Variants in SUMF1 observed in about 807,000 individuals in gnomAD.
SUMF1 encodes formylglycine-generating enzyme.
A neutral mutation model predicts 47.6 loss-of-function variants in SUMF1; 48 were observed. That is an observed-to-expected ratio of 1.01 (90% confidence interval 0.80 to 1.28). The LOEUF (loss-of-function observed/expected upper bound fraction) is 1.28. Among genes scored for constraint, SUMF1 ranks in the 50% most tolerant of loss-of-function variants. The pLI is 0.00. For synonymous variants in SUMF1, 230 were observed against 192.1 expected (o/e 1.20, Z -1.63); for missense variants, 571 against 485.4 (o/e 1.18, Z -1.66).
At chr3:4,362,779 T>G (rs1699808960) in intron 8 of SUMF1, among the ~76,000 whole-genome samples, 1 of 152,056 alleles carries the variant, frequency 6.6e-6, no homozygotes, top group Admixed American at 6.6e-5. Context: ...CTGAGCATGG[T>G]GGTGTGCACT....
intron 7 of SUMF1, among the ~76,000 whole-genome samples, chr3:4,404,197 T>C (rs961164294): frequency 6.6e-6 from 1 of 152,188 alleles, no homozygotes; most frequent in Non-Finnish European, 1.5e-5. Flanking sequence ...AAAATTACAA[T>C]GAGTAAACAT....
chr3:4,159,310 T>G (rs1415818752), intron 8 of SUMF1, among the ~76,000 whole-genome samples: 1 of 151,220 alleles, frequency 6.6e-6, no homozygotes, highest in Non-Finnish European at 1.5e-5. Flanking sequence ...ATTGCATGTT[T>G]TTTTTATTTG....
intron 1 of SUMF1, among the ~76,000 whole-genome samples, chr3:4,462,476 T>C (rs550408490): frequency 7.9e-5 from 12 of 152,202 alleles, no homozygotes; most frequent in Non-Finnish European, 1.0e-4. Context: ...TATTTACTCT[T>C]GAACTTCCCA....
chr3:4,279,152 C>T (rs1478732309), intron 8 of SUMF1, among the ~76,000 whole-genome samples: 4 of 152,122 alleles, frequency 2.6e-5, no homozygotes, highest in African/African-American at 7.2e-5. Context: ...CTAAGTTAGA[C>T]ATTTCTAGTC....
chr3:4,313,755 C>A, intron 8 of SUMF1: 1 of 1,613,948 alleles, frequency 6.2e-7, no homozygotes, highest in Non-Finnish European at 8.5e-7. Flanking sequence ...AGCGATTGAC[C>A]CTTGAGGTGA....
At chr3:4,251,426 A>G (rs1696799760) in intron 8 of SUMF1, among the ~76,000 whole-genome samples, 1 of 152,242 alleles carries the variant, frequency 6.6e-6, no homozygotes, top group Non-Finnish European at 1.5e-5. Context: ...AAGGATTTGT[A>G]ATATTACATC....
intron 1 of SUMF1, among the ~76,000 whole-genome samples, chr3:4,462,577 G>A (rs981263041): frequency 6.6e-6 from 1 of 151,976 alleles, no homozygotes; most frequent in African/African-American, 2.4e-5. Flanking sequence ...TTTTTGTCTT[G>A]TACACAAAAA....
intron 8 of SUMF1, among the ~76,000 whole-genome samples, chr3:4,345,133 G>A (rs535738793): frequency 6.6e-5 from 10 of 152,216 alleles, no homozygotes; most frequent in East Asian, 1.9e-4. Context: ...CCAGGAGAAC[G>A]TCCCCAACCT....
At chr3:4,454,779 G>T (rs1703098109) in intron 1 of SUMF1, among the ~76,000 whole-genome samples, 1 of 152,198 alleles carries the variant, frequency 6.6e-6, no homozygotes, top group Admixed American at 6.5e-5. Flanking sequence ...CAACATGCGT[G>T]AACCTTGAAA....
At chr3:4,345,653 CATG>C (rs1293147641) in intron 8 of SUMF1, among the ~76,000 whole-genome samples, 7 of 152,294 alleles carry the variant, frequency 4.6e-5, no homozygotes, top group Admixed American at 4.6e-4. Flanking sequence ...CACATAGTAT[CATG>C]ATGACAGGAT....
Position 4,466,875 on chromosome 3 carries a change from T to C in SUMF1, c.270+101A>G. The C allele has an allele frequency of 2.0e-6, 3 of 1,509,656 alleles. No individual in the cohort carries two copies. The South Asian group carries it at 3.7e-5, about 19-fold the overall frequency. The allele number at this position is 1,509,656 out of a possible 1,614,324, so 93.5% of individuals were successfully genotyped here. ...AGGTGCTCGATTTGGGGTGTGGTTA[T>C]AACCTTTACTTCCCTTCCTACTAGT... is the stretch of plus-strand genomic sequence containing the variant. On this transcript the variant is annotated intron_variant, in intron 1 of 8. Coordinates refer to ENST00000272902, the MANE Select transcript of SUMF1 (RefSeq NM_182760.4).
intron 9 of SUMF1, among the ~76,000 whole-genome samples, chr3:4,039,859 A>T (rs1348558120): frequency 1.3e-5 from 2 of 151,982 alleles, no homozygotes; most frequent in African/African-American, 4.8e-5. Flanking sequence ...AGTTTCTACA[A>T]AAAAAATTTT....
intron 8 of SUMF1, among the ~76,000 whole-genome samples, chr3:4,174,934 T>A (rs547508795): frequency 6.6e-6 from 1 of 152,188 alleles, no homozygotes; most frequent in Non-Finnish European, 1.5e-5. Flanking sequence ...CTCACTGCTA[T>A]TGCAGCAGTC....
chr3:4,065,269 T>TGCAAGCAATTACCTCTCCAA (rs1695350462), intron 9 of SUMF1, among the ~76,000 whole-genome samples: 1 of 152,030 alleles, frequency 6.6e-6, no homozygotes, highest in African/African-American at 2.4e-5. Context: ...TACCTCTCCA[T>TGCAAGCAATTACCTCTCCAA]CTGCTCATCT....
intron 8 of SUMF1, among the ~76,000 whole-genome samples, chr3:4,329,445 C>T (rs1266905003): frequency 6.6e-6 from 1 of 152,244 alleles, no homozygotes; most frequent in Admixed American, 6.5e-5. Flanking sequence ...GGCTCAAAAC[C>T]ACGTGAAAGC....
intron 9 of SUMF1, among the ~76,000 whole-genome samples, chr3:4,050,225 C>T (rs910247709): frequency 1.3e-5 from 2 of 151,638 alleles, no homozygotes; most frequent in Non-Finnish European, 2.9e-5. Context: ...GGGAACCACC[C>T]TTTTCTACCC....
At chr3:4,306,306 A>G (rs1239481204) in intron 8 of SUMF1, among the ~76,000 whole-genome samples, 4 of 152,190 alleles carry the variant, frequency 2.6e-5, no homozygotes, top group South Asian at 4.1e-4. Flanking sequence ...TTATATAAGT[A>G]TCTCCCTTAG....
chr3:4,401,338 G>C (rs1348619801), intron 7 of SUMF1, among the ~76,000 whole-genome samples: 4 of 152,102 alleles, frequency 2.6e-5, no homozygotes, highest in Non-Finnish European at 4.4e-5. Flanking sequence ...CCAGTAATGG[G>C]ATCGCTGGGT....
At chr3:4,316,600 A>G in intron 8 of SUMF1, 1 of 1,551,382 alleles carries the variant, frequency 6.4e-7, no homozygotes, top group Non-Finnish European at 8.7e-7. Flanking sequence ...AATCAAAAAA[A>G]TCGTCGTTTT....
Sources: allele counts gnomAD v4.1 joint callset (sites outside exome capture counted in the v4.1 genomes callset), GRCh38; gene constraint gnomAD v4.1.1; transcripts MANE v1.5; gene names NCBI Gene and HGNC (gene_info 2026-07-23, HGNC 2026-07-21).